Variants in CDCA2 observed in about 807,000 individuals in gnomAD.
The protein encoded by CDCA2 is cell division cycle associated 2, also known as cell division cycle-associated protein 2.
Under a neutral mutation model 67.0 loss-of-function variants are expected in CDCA2, and 44 were observed. The ratio of observed to expected loss-of-function variants is 0.66; its 90% CI spans 0.52 to 0.84. CDCA2 has a LOEUF of 0.84. Among genes scored for constraint, CDCA2 ranks in the 40% least tolerant of loss-of-function variants. The probability of loss-of-function intolerance (pLI) is 0.00; values close to 1 mark genes in which losing one functional copy is unlikely to be tolerated. For missense variants in CDCA2, 1,253 were observed against 1,203.2 expected (o/e 1.04, Z -0.61); for synonymous variants, 447 against 418.7 (o/e 1.07, Z -0.82).
chr8:25,466,096 G>T, intron 4 of CDCA2, 79 bp from the exon 5 acceptor site: 1 of 1,331,172 alleles, frequency 7.5e-7, no homozygotes, highest in Admixed American at 2.5e-5. Context: ...ATTTAATTTT[G>T]GATTCAATGG....
At chr8:25,491,492 G>T (rs909480942) in intron 13 of CDCA2, among the ~76,000 whole-genome samples, 1 of 152,170 alleles carries the variant, frequency 6.6e-6, no homozygotes, top group Non-Finnish European at 1.5e-5. Flanking sequence ...GCAATAGCCG[G>T]AAAGCTACAA....
chr8:25,476,660 C>T (rs933351697), intron 7 of CDCA2, among the ~76,000 whole-genome samples: 9 of 151,792 alleles, frequency 5.9e-5, no homozygotes, highest in African/African-American at 1.9e-4. Context: ...TCAGGTGATT[C>T]TCCTAACCCA....
At chr8:25,462,254 T>C in intron 4 of CDCA2, 46 bp downstream of exon 4, 1 of 1,589,072 alleles carries the variant, frequency 6.3e-7, no homozygotes, top group Non-Finnish European at 8.6e-7. Flanking sequence ...TTAATGAAGC[T>C]TTTGTGCTTT....
At chr8:25,463,247 G>T (rs1342630573) in intron 4 of CDCA2, among the ~76,000 whole-genome samples, 2 of 152,080 alleles carry the variant, frequency 1.3e-5, no homozygotes, top group African/African-American at 4.8e-5. Flanking sequence ...ATATTTAGCT[G>T]TTTTTTCAAA....
At position 25,506,873 on chromosome 8, in the gene CDCA2, G is replaced by A. The variant is rs752241739; in HGVS notation, c.2207G>A (p.Gly736Asp). Residue 736 changes from glycine (G) to aspartate (D), a missense_variant, in exon 15 of 15, where the codon GGT (glycine) becomes GAT (aspartate). Physicochemically the swap from Gly to Asp is moderately conservative, Grantham distance 94. Transcript: ENST00000330560. ...SPKPALTLQQGQEFSAGGQNA... is the reference protein window; with the variant it reads ...SPKPALTLQQDQEFSAGGQNA... ...AAACCTGCTCTGACCCTGCAGCAGGGTCAAGAATTTTCTGCTGGTGGTCAA... is the reference window on the plus strand; with the variant it reads ...AAACCTGCTCTGACCCTGCAGCAGGATCAAGAATTTTCTGCTGGTGGTCAA... 12 of 1,612,446 alleles carry A rather than the reference G, an allele frequency of 7.4e-6. No individual in the cohort carries two copies. The Admixed American group carries it at 2.0e-4, about 27-fold the overall frequency.
At chr8:25,504,220 C>T (rs190225366) in intron 14 of CDCA2, among the ~76,000 whole-genome samples, 134 of 151,804 alleles carry the variant, frequency 8.8e-4, no homozygotes, top group Non-Finnish European at 1.5e-3. Context: ...AAAAAATGGA[C>T]TGGAATTGTT....
At chr8:25,469,689 T>G (rs1355352997) in intron 6 of CDCA2, among the ~76,000 whole-genome samples, 2 of 149,784 alleles carry the variant, frequency 1.3e-5, no homozygotes, top group African/African-American at 4.9e-5. Context: ...TCATGTTAGA[T>G]TCCTGTACAC....
intron 4 of CDCA2, 110 bp downstream of exon 4, chr8:25,462,318 CTG>C: frequency 1.6e-6 from 2 of 1,270,768 alleles, no homozygotes; most frequent in East Asian, 2.4e-5. Context: ...GAGATTTTCT[CTG>C]TGTTTTAGAG....
At chr8:25,470,021 C>A in intron 7 of CDCA2, 41 bp downstream of exon 7, 2 of 1,342,088 alleles carry the variant, frequency 1.5e-6, no homozygotes, top group South Asian at 1.3e-5. Flanking sequence ...TTGCCCGATT[C>A]ATAGACATTT....
intron 9 of CDCA2, among the ~76,000 whole-genome samples, chr8:25,483,739 A>G (rs1273884681): frequency 6.6e-6 from 1 of 152,180 alleles, no homozygotes; most frequent in Non-Finnish European, 1.5e-5. Context: ...TTAACGTTTA[A>G]TATGCAAATT....
rs983769840 is a variant in CDCA2, at chr8:25,479,380, A to G, written c.821-533A>G. ...TATTTGTTCAATGGATCACTTAATCATAAGGCAACGCTCTCCTGTGGGAAG... is the reference window on the plus strand; with the variant it reads ...TATTTGTTCAATGGATCACTTAATCGTAAGGCAACGCTCTCCTGTGGGAAG... On this transcript the variant is annotated intron_variant, in intron 7 of 14. Transcript: ENST00000330560. 5.3e-5 allele frequency among the ~76,000 whole-genome samples: 8 copies of G among 152,180 alleles called. No homozygotes were observed. The South Asian group carries it at 1.0e-3, about 20-fold the overall frequency.
rs752411902 is a variant in CDCA2, at chr8:25,483,884, A to G, written c.1121-82A>G. On this transcript the variant is annotated intron_variant, in intron 9 of 14. Coordinates refer to ENST00000330560, the MANE Select transcript of CDCA2 (RefSeq NM_152562.4). The stretch of plus-strand genomic sequence containing the variant: ...ACAAATAATAGCTGAATATTATCAC[A>G]TTAAAAGATTCTAGTATATGCCTTT... 44 of 1,207,140 alleles carry G rather than the reference A, an allele frequency of 3.6e-5. 1 individual carries two copies. Among genetic ancestry groups the G allele is most frequent in the Non-Finnish European group, 5.1e-5 (43 of 850,872 alleles). The allele number at this position is 1,207,140 out of a possible 1,614,324, so 74.8% of individuals were successfully genotyped here. A position where few individuals can be genotyped will look rare whatever the true frequency, so the allele number is the denominator to read the frequency against.
chr8:25,504,079 TTA>T (rs1347564104), intron 14 of CDCA2, among the ~76,000 whole-genome samples: 1 of 152,112 alleles, frequency 6.6e-6, no homozygotes, highest in Non-Finnish European at 1.5e-5. Context: ...TATGTATACC[TTA>T]TATGAGTTAA....
intron 5 of CDCA2, among the ~76,000 whole-genome samples, chr8:25,467,364 T>C (rs1802957096): frequency 6.6e-6 from 1 of 152,256 alleles, no homozygotes; most frequent in Admixed American, 6.5e-5. Context: ...CCCCCTCATC[T>C]ACCTCTAGAG....
In CDCA2 at chr8:25,460,510, A is replaced by G; in HGVS notation, c.188A>G (p.Glu63Gly). 1.9e-6 allele frequency: 3 copies of G among 1,614,210 alleles called. No individual in the cohort carries two copies. Among genetic ancestry groups the G allele is most frequent in the South Asian group, 1.1e-5 (1 of 91,082 alleles). The change falls in exon 3 of 15, where the codon GAG becomes GGG. Residue 63 changes from glutamate (E) to glycine (G), a missense_variant. Transcript: ENST00000330560. ...SPLNFSTVTV[E>G]QLGITPESFV... ...TTGAACTTTTCCACAGTAACCGTAGAGCAATTGGGAATTACACCTGAAAGC... is the reference window on the plus strand; with the variant it reads ...TTGAACTTTTCCACAGTAACCGTAGGGCAATTGGGAATTACACCTGAAAGC...
intron 10 of CDCA2, among the ~76,000 whole-genome samples, chr8:25,485,367 A>T (rs1230948798): frequency 6.6e-6 from 1 of 152,048 alleles, no homozygotes; most frequent in Non-Finnish European, 1.5e-5. Context: ...AAGATTTGCT[A>T]TCTGTATTTA....
intron 13 of CDCA2, among the ~76,000 whole-genome samples, chr8:25,497,524 A>T (rs963362892): frequency 7.2e-6 from 1 of 139,294 alleles, no homozygotes; most frequent in African/African-American, 2.8e-5. Flanking sequence ...AAAAAAACTC[A>T]CAGAAGCTGA....
chr8:25,497,812 T>TG (rs894652807), intron 13 of CDCA2, among the ~76,000 whole-genome samples: 1 of 152,210 alleles, frequency 6.6e-6, no homozygotes, highest in Non-Finnish European at 1.5e-5. Flanking sequence ...CCATGCTATA[T>TG]GCAATTTTTA....
chr8:25,461,142 C>T (rs1281619313), intron 3 of CDCA2, among the ~76,000 whole-genome samples: 1 of 151,874 alleles, frequency 6.6e-6, no homozygotes, highest in Non-Finnish European at 1.5e-5. Context: ...TGGTGCATGC[C>T]TGTAATCCCA....
Sources: allele counts gnomAD v4.1 joint callset (sites outside exome capture counted in the v4.1 genomes callset), GRCh38; gene constraint gnomAD v4.1.1; transcripts MANE v1.5; gene names NCBI Gene and HGNC (gene_info 2026-07-23, HGNC 2026-07-21).